The following BUB3 variants were observed in gnomAD, a reference collection of about 807,000 sequenced individuals.
The protein encoded by BUB3 is BUB3 mitotic checkpoint protein, also known as mitotic checkpoint protein BUB3.
Under a neutral mutation model 39.9 loss-of-function variants are expected in BUB3, and 22 were observed. The ratio of observed to expected loss-of-function variants is 0.55; its 90% CI spans 0.39 to 0.79. The LOEUF is 0.79. Ranked by LOEUF, BUB3 falls within the 30% of genes least tolerant of loss-of-function variation. BUB3 has a pLI of 0.00. For missense variants in BUB3, 303 were observed against 415.4 expected, an observed-to-expected ratio of 0.73 and a Z score of 2.35; for synonymous variants, 168 against 155.1, an observed-to-expected ratio of 1.08 and a Z score of -0.62.
chr10:123,160,884 C>T (rs1046976321), intron 5 of BUB3, among the ~76,000 whole-genome samples: 2 of 152,204 alleles, frequency 1.3e-5, no homozygotes, highest in East Asian at 1.9e-4. Flanking sequence ...AATCAAAGAG[C>T]GCTTTGCAGA....
At chr10:123,161,171 A>G (rs1437156810) in intron 5 of BUB3, among the ~76,000 whole-genome samples, 2 of 152,118 alleles carry the variant, frequency 1.3e-5, no homozygotes, top group Non-Finnish European at 2.9e-5. Context: ...CTCCTCCCTC[A>G]AGTCCTTAAA....
At chr10:123,163,715 G>C (rs1259323638) in intron 7 of BUB3, 105 bp from the exon 8 acceptor site, 11 of 1,006,200 alleles carry the variant, frequency 1.1e-5, no homozygotes, top group Admixed American at 2.3e-5. Context: ...TGTGAAGCCT[G>C]TTGGATAAAG....
chr10:123,166,487 C>T lies in BUB3; in HGVS notation c.*2652C>T, dbSNP rs1279926837. 6.6e-6 allele frequency: 1 copy of T among 152,160 alleles called. No homozygotes were observed. Among genetic ancestry groups the T allele is most frequent in the Non-Finnish European group, 1.5e-5 (1 of 68,038 alleles). 9.4% of individuals were successfully genotyped at this position (152,160 alleles called of 1,614,324 possible). On this transcript the variant is annotated 3_prime_UTR_variant, in exon 8 of 8. Transcript: ENST00000368865. ...TTTTTTCTTTGCTTTTTAAGAAATC[C>T]TGGCTATGTCACCTTGAATTGATTT...
intron 4 of BUB3, 137 bp downstream of exon 4, chr10:123,158,017 A>G (rs1844371944): frequency 2.0e-6 from 2 of 990,330 alleles, no homozygotes; most frequent in Non-Finnish European, 2.8e-6. Context: ...AGTTGGTTTT[A>G]TAAATCCAAC....
rs1454261579 is a variant in BUB3 at position 123,164,690 on chromosome 10, T to C, written c.*855T>C. 2 of 1,028,196 alleles carry C rather than the reference T, an allele frequency of 1.9e-6. No individual in the cohort carries two copies. Among genetic ancestry groups the C allele is most frequent in the Admixed American group, 1.1e-4 (2 of 18,804 alleles). 63.7% of individuals were successfully genotyped at this position (1,028,196 alleles called of 1,614,324 possible). ...TTTACATATTTCTCTGACATTTATATAGTTCTTATGTCCATTTCAGTTGAC... is the reference window on the plus strand; with the variant it reads ...TTTACATATTTCTCTGACATTTATACAGTTCTTATGTCCATTTCAGTTGAC... On this transcript the variant is annotated 3_prime_UTR_variant, in exon 8 of 8. Transcript: ENST00000368865.
At chr10:123,158,170 A>T (rs1198310703) in intron 4 of BUB3, among the ~76,000 whole-genome samples, 1 of 152,198 alleles carries the variant, frequency 6.6e-6, no homozygotes, top group East Asian at 1.9e-4. Flanking sequence ...CTTTTCAGAG[A>T]AGTCATTTAG....
chr10:123,161,521 C>T (rs1844423885), intron 5 of BUB3, among the ~76,000 whole-genome samples: 1 of 152,032 alleles, frequency 6.6e-6, no homozygotes, highest in East Asian at 1.9e-4. Flanking sequence ...AGGATTATTT[C>T]TACTTTGTAA....
Position 123,164,171 on chromosome 10 carries a change from T to A in BUB3, c.*336T>A. On this transcript the variant is annotated 3_prime_UTR_variant, in exon 8 of 8. Coordinates refer to ENST00000368865, the MANE Select transcript of BUB3 (RefSeq NM_004725.4). ...TGTAAATAAGTGTAATAAAAATCCC[T>A]TTGCATTCTTTCTGGACCTTAAATG... 9.7e-7 allele frequency: 1 copy of A among 1,025,670 alleles called. No homozygotes were observed. Among genetic ancestry groups the A allele is most frequent in the Non-Finnish European group, 1.2e-6 (1 of 857,252 alleles). The allele number at this position is 1,025,670 out of a possible 1,614,324, so 63.5% of individuals were successfully genotyped here.
Position 123,169,806 on chromosome 10 carries a change from G to A in BUB3, c.*5971G>A, listed in dbSNP as rs748393090. On this transcript the variant is annotated 3_prime_UTR_variant, in exon 8 of 8. Transcript: ENST00000368865. ...TTAGAGTCCAGCCTTTGAACCTGGC[G>A]CTGAATCCTGACTTTACTGCTTATT... is the stretch of plus-strand genomic sequence containing the variant. 2 of 152,148 alleles carry A rather than the reference G, an allele frequency of 1.3e-5. No individual in the cohort carries two copies. Among genetic ancestry groups the A allele is most frequent in the Non-Finnish European group, 2.9e-5 (2 of 68,028 alleles). The allele number at this position is 152,148 out of a possible 1,614,324, so 9.4% of individuals were successfully genotyped here.
At chr10:123,155,302 T>A (rs1589687794) in intron 2 of BUB3, among the ~76,000 whole-genome samples, 190 bp downstream of exon 2, 1 of 152,232 alleles carries the variant, frequency 6.6e-6, no homozygotes, top group African/African-American at 2.4e-5. Flanking sequence ...CATTGGAAAC[T>A]CCGTCTCCCC....
In BUB3 at chr10:123,164,487, A is replaced by G. The variant is rs1844463065; in HGVS notation, c.*652A>G. On this transcript the variant is annotated 3_prime_UTR_variant, in exon 8 of 8. Transcript: ENST00000368865. ...ATTTTGTGACTGTAAACAATTATTT[A>G]TTAGCAAACAATTGATCCCAGAAGG... 1.0e-6 allele frequency: 1 copy of G among 985,530 alleles called. No individual in the cohort carries two copies. The highest frequency in any genetic ancestry group is 1.2e-6 in the Non-Finnish European group (1 of 830,092). The allele number at this position is 985,530 out of a possible 1,614,324, so 61.0% of individuals were successfully genotyped here.
At chr10:123,159,296 G>C (rs970032385) in intron 4 of BUB3, among the ~76,000 whole-genome samples, 1 of 152,208 alleles carries the variant, frequency 6.6e-6, no homozygotes, top group African/African-American at 2.4e-5. Flanking sequence ...ATGGTATGTG[G>C]TTAACATACT....
chr10:123,157,867 C>G lies in BUB3; in HGVS notation c.404C>G (p.Ser135Cys), dbSNP rs780428660. The G allele has an allele frequency of 1.2e-6, 2 of 1,612,740 alleles. No homozygotes were observed. Among genetic ancestry groups the G allele is most frequent in the Admixed American group, 3.4e-5 (2 of 59,676 alleles). ...PRTPCNAGTF[S>C]QPEKVYTLSV... is the part of the protein sequence containing the mutation. The stretch of plus-strand genomic sequence containing the variant: ...ACTCCTTGTAATGCTGGGACCTTCT[C>G]TCAGCCTGAAAAGGTAGGCTCTTTA... The change falls in exon 4 of 8, where the codon TCT becomes TGT. Residue 135 changes from serine (S) to cysteine (C), a missense_variant. Ser to Cys is a moderately radical substitution (Grantham distance 112, BLOSUM62 -1). Around this residue, in one of 2 missense-constraint regions of BUB3, gnomAD observed 182 missense variants for 293.1 expected, o/e 0.62. Coordinates refer to ENST00000368865, the MANE Select transcript of BUB3 (RefSeq NM_004725.4).
chr10:123,163,865 G>T lies in BUB3; in HGVS notation c.*30G>T, dbSNP rs1342993241. ...ATTTCATTTACTTAAGTGCCATGTTGATGATAATAAAACAATTCGTACTCC... is the reference window on the plus strand; with the variant it reads ...ATTTCATTTACTTAAGTGCCATGTTTATGATAATAAAACAATTCGTACTCC... On this transcript the variant is annotated 3_prime_UTR_variant, in exon 8 of 8. Transcript: ENST00000368865. 1.9e-6 allele frequency: 3 copies of T among 1,596,222 alleles called. No homozygotes were observed. The highest frequency in any genetic ancestry group is 1.3e-5 in the African/African-American group (1 of 74,340).
intron 3 of BUB3, among the ~76,000 whole-genome samples, chr10:123,156,750 C>CTTTTTTTTTTTTTTTT (rs1589688487): frequency 1.5e-4 from 18 of 123,400 alleles, no homozygotes; most frequent in Non-Finnish European, 2.0e-4. Context: ...CTTTTTCTTT[C>CTTTTTTTTTTTTTTTT]TTGTTTTTTT....
In BUB3 at chr10:123,169,491, G is replaced by T. The variant is rs1213722685; in HGVS notation, c.*5656G>T. On this transcript the variant is annotated 3_prime_UTR_variant, in exon 8 of 8. Coordinates refer to ENST00000368865, the MANE Select transcript of BUB3 (RefSeq NM_004725.4). ...GTTTTCAAGACCTTGGCCAACCTTT[G>T]GTCTTCACAGCCACTGCCCTGGTAG... is the stretch of plus-strand genomic sequence containing the variant. 2.0e-5 allele frequency: 3 copies of T among 152,160 alleles called. No homozygotes were observed. The highest frequency in any genetic ancestry group is 7.2e-5 in the African/African-American group (3 of 41,418). The allele number at this position is 152,160 out of a possible 1,614,324, so 9.4% of individuals were successfully genotyped here.
Position 123,168,233 on chromosome 10 carries a change from C to T in BUB3, c.*4398C>T, listed in dbSNP as rs1844512240. The T allele has an allele frequency of 6.6e-6, 1 of 152,236 alleles. No homozygotes were observed. The highest frequency in any genetic ancestry group is 6.5e-5 in the Admixed American group (1 of 15,288). 9.4% of individuals were successfully genotyped at this position (152,236 alleles called of 1,614,324 possible). A position where few individuals can be genotyped will look rare whatever the true frequency, so the allele number is the denominator to read the frequency against. On this transcript the variant is annotated 3_prime_UTR_variant, in exon 8 of 8. Transcript: ENST00000368865. ...TTACTCATCTCATAGGAGGCAGCTA[C>T]TTTTAACATTCTTGGTGTATATCCA...
At chr10:123,154,812 G>C in intron 1 of BUB3, 106 bp from the exon 2 acceptor site, 1 of 1,230,986 alleles carries the variant, frequency 8.1e-7, no homozygotes, top group Non-Finnish European at 1.1e-6. Flanking sequence ...GTCTCCTCGC[G>C]GTCGTCCTCT....
chr10:123,160,348 C>A, intron 4 of BUB3, 59 bp from the exon 5 acceptor site: 3 of 1,419,838 alleles, frequency 2.1e-6, no homozygotes, highest in South Asian at 1.7e-5. Context: ...TATTTTGGGG[C>A]AAAATGCCAT....
Sources: gnomAD v4.1 joint callset for allele counts (sites outside exome capture counted in the v4.1 genomes callset) on GRCh38, gnomAD v4.1.1 for gene constraint, gnomAD v4.1.1 regional missense constraint, MANE v1.5 for transcripts, NCBI Gene and HGNC (gene_info 2026-07-23, HGNC 2026-07-21) for gene names.